The following RYR2 variants were observed in gnomAD, a reference collection of about 807,000 sequenced individuals.
RYR2 encodes ryanodine receptor 2.
A neutral mutation model predicts 601.1 loss-of-function variants in RYR2; 227 were observed. The observed-to-expected ratio is 0.38, with a 90% CI of 0.34 to 0.42. The LOEUF (loss-of-function observed/expected upper bound fraction) is 0.42. RYR2 is among the 10% of genes least tolerant of loss of function. The pLI, the probability that RYR2 is intolerant of heterozygous loss-of-function variation, is 1.00. For synonymous variants in RYR2, 2,223 were observed against 2,175.1 expected (o/e 1.02, Z -0.61); for missense variants, 4,646 against 6,156.5 (o/e 0.75, Z 8.21).
At chr1:237,365,596 G>T (rs1700122072) in intron 5 of RYR2, among the ~76,000 whole-genome samples, 1 of 152,192 alleles carries the variant, frequency 6.6e-6, no homozygotes. Flanking sequence ...AAGAGTTTGG[G>T]TTGGAAAAAT....
intron 76 of RYR2, among the ~76,000 whole-genome samples, chr1:237,728,189 A>G (rs931222683): frequency 6.6e-6 from 1 of 152,148 alleles, no homozygotes; most frequent in Non-Finnish European, 1.5e-5. Context: ...TATAAGGCAA[A>G]GAAAAAAAAG....
intron 1 of RYR2, among the ~76,000 whole-genome samples, chr1:237,155,247 C>T (rs1027097586): frequency 1.7e-4 from 24 of 144,662 alleles, no homozygotes; most frequent in East Asian, 6.1e-4. Context: ...GCGGTCTCAG[C>T]GCACTGCAAT....
intron 24 of RYR2, among the ~76,000 whole-genome samples, chr1:237,519,633 T>C (rs78072807): frequency 0.023 from 3,462 of 152,294 alleles, 140 homozygotes; most frequent in African/African-American, 0.078. Flanking sequence ...TTCTGTTCCA[T>C]TGATCTATTC....
intron 10 of RYR2, among the ~76,000 whole-genome samples, chr1:237,399,477 G>A (rs1368359371): frequency 6.6e-6 from 1 of 152,128 alleles, no homozygotes; most frequent in African/African-American, 2.4e-5. Context: ...TGAACCCAGT[G>A]TTGGATATAA....
In RYR2 at chr1:237,044,382, G is replaced by C. The variant is rs564540531; in HGVS notation, c.48+1813G>C. 1.9e-4 allele frequency among the ~76,000 whole-genome samples: 29 copies of C among 152,252 alleles called. No homozygotes were observed. In the South Asian group the frequency reaches 6.0e-3, roughly 32 times the overall value. ...TTCCTGCGGGCTTAACTGTTAAGCCGAGCTCATGGAGGTGGTGTTATCAGA... is the reference window on the plus strand; with the variant it reads ...TTCCTGCGGGCTTAACTGTTAAGCCCAGCTCATGGAGGTGGTGTTATCAGA... On this transcript the variant is annotated intron_variant, in intron 1 of 104. Coordinates refer to ENST00000366574, the MANE Select transcript of RYR2 (RefSeq NM_001035.3).
intron 8 of RYR2, among the ~76,000 whole-genome samples, chr1:237,383,798 A>T (rs999981365): frequency 6.6e-6 from 1 of 152,062 alleles, no homozygotes; most frequent in African/African-American, 2.4e-5. Flanking sequence ...GAAAATCACT[A>T]GTCCTGGGAT....
intron 44 of RYR2, among the ~76,000 whole-genome samples, chr1:237,636,072 A>G (rs139354215): frequency 4.7e-4 from 71 of 152,188 alleles, no homozygotes; most frequent in African/African-American, 1.6e-3. Flanking sequence ...TTTATTTTCA[A>G]CTATTGGAAA....
chr1:237,378,662 C>T (rs1701219101), intron 8 of RYR2, among the ~76,000 whole-genome samples: 1 of 152,142 alleles, frequency 6.6e-6, no homozygotes, highest in Non-Finnish European at 1.5e-5. Flanking sequence ...TCATGTGTTA[C>T]TGGTTTAGGA....
intron 33 of RYR2, among the ~76,000 whole-genome samples, chr1:237,594,900 T>TTTTGTTTTTTTTTTTTTG (rs1675674486): frequency 8.6e-5 from 2 of 23,352 alleles, no homozygotes; most frequent in African/African-American, 1.3e-4. Flanking sequence ...TTTTTTTTTT[T>TTTTGTTTTTTTTTTTTTG]TTTTTTTTTT....
At chr1:237,075,055 C>T (rs899971851) in intron 1 of RYR2, among the ~76,000 whole-genome samples, 2 of 152,096 alleles carry the variant, frequency 1.3e-5, no homozygotes, top group South Asian at 2.1e-4. Flanking sequence ...GAGACCCAAG[C>T]GCTGAACCCA....
intron 48 of RYR2, among the ~76,000 whole-genome samples, chr1:237,644,512 A>G (rs576432328): frequency 6.6e-6 from 1 of 152,142 alleles, no homozygotes; most frequent in Non-Finnish European, 1.5e-5. Flanking sequence ...GTTTACAGGC[A>G]TGAGGCACTG....
intron 1 of RYR2, among the ~76,000 whole-genome samples, chr1:237,218,386 C>G (rs572454567): frequency 6.6e-6 from 1 of 152,212 alleles, no homozygotes; most frequent in East Asian, 1.9e-4. Context: ...GTGCACCACA[C>G]TGATTATAGG....
At chr1:237,282,098 G>T (rs1690953212) in intron 2 of RYR2, among the ~76,000 whole-genome samples, 1 of 152,028 alleles carries the variant, frequency 6.6e-6, no homozygotes, top group Non-Finnish European at 1.5e-5. Context: ...ACTGCAGAAA[G>T]TATATACTTT....
At chr1:237,055,873 C>T (rs4659489) in intron 1 of RYR2, among the ~76,000 whole-genome samples, 27,954 of 152,148 alleles carry the variant, frequency 0.18, 3,214 homozygotes, top group South Asian at 0.25. Flanking sequence ...GGGATTAGGA[C>T]GCAGGTCCAC....
Position 237,610,132 on chromosome 1 carries a change from T to C in RYR2, c.4684-630T>C, listed in dbSNP as rs1002005521. Among the ~76,000 whole-genome samples the C allele has an allele frequency of 1.3e-5, 2 of 152,184 alleles. No homozygotes were observed. Among genetic ancestry groups the C allele is most frequent in the African/African-American group, 4.8e-5 (2 of 41,448 alleles). On this transcript the variant is annotated intron_variant, in intron 35 of 104. Transcript: ENST00000366574. This position sits in a 1 kb window ranked among gnomAD's most constrained non-coding sequence, Gnocchi z 4.9. Reference sequence around the variant, plus strand: ...GATCATAGATAAATGAAGAAACTTTTGGCAAAGCAGAGACCTCTCTTTCTT... The same window carrying C: ...GATCATAGATAAATGAAGAAACTTTCGGCAAAGCAGAGACCTCTCTTTCTT...
At chr1:237,081,137 G>A (rs542593563) in intron 1 of RYR2, among the ~76,000 whole-genome samples, 31 of 98,968 alleles carry the variant, frequency 3.1e-4, no homozygotes, top group African/African-American at 1.1e-3. Context: ...TGGTGGGGTC[G>A]GGGGAGGGGG....
rs546049460 is a variant in RYR2 at position 237,613,244 on chromosome 1, A to C, written c.4911-795A>C. Among the ~76,000 whole-genome samples the C allele has an allele frequency of 7.2e-5, 11 of 152,346 alleles. No homozygotes were observed. The South Asian group carries it at 1.9e-3, about 26-fold the overall frequency. ...TTTGTTTCTCCTTAACACATGTCACAGTTTATAATTTAATTTACTCCATTT... is the reference window on the plus strand; with the variant it reads ...TTTGTTTCTCCTTAACACATGTCACCGTTTATAATTTAATTTACTCCATTT... On this transcript the variant is annotated intron_variant, in intron 36 of 104. Transcript: ENST00000366574.
chr1:237,546,998 T>C lies in RYR2; in HGVS notation c.2907-1433T>C, dbSNP rs1193081926. Among the ~76,000 whole-genome samples the C allele has an allele frequency of 1.6e-3, 208 of 133,186 alleles. 1 individual carries two copies. Among genetic ancestry groups the C allele is most frequent in the African/African-American group, 5.3e-3 (195 of 36,518 alleles). 87.4% of individuals were successfully genotyped at this position (133,186 alleles called of 152,430 possible). On this transcript the variant is annotated intron_variant, in intron 25 of 104. Transcript: ENST00000366574. Reference sequence around the variant, plus strand: ...AAGCATATATATATATATATATATTTATTTATTTATTTATTTATTTATTTA... The same window carrying C: ...AAGCATATATATATATATATATATTCATTTATTTATTTATTTATTTATTTA...
intron 24 of RYR2, 42 bp downstream of exon 24, chr1:237,511,833 T>TCA: frequency 1.0e-4 from 28 of 274,574 alleles, no homozygotes; most frequent in East Asian, 3.6e-4. Context: ...CTGCCTTCCC[T>TCA]GAAAAAAAAA....
Sources: gnomAD v4.1 joint callset for allele counts (sites outside exome capture counted in the v4.1 genomes callset) on GRCh38, gnomAD v4.1.1 for gene constraint, Gnocchi (gnomAD v3.1) non-coding constraint, MANE v1.5 for transcripts, NCBI Gene and HGNC (gene_info 2026-07-23, HGNC 2026-07-21) for gene names.